CYP27C1: variants seen among roughly 807,000 people sequenced by gnomAD.
The protein encoded by CYP27C1 is cytochrome P450 family 27 subfamily C member 1.
In CYP27C1, 29 loss-of-function variants were observed where a neutral mutation model predicts 40.6. That is an observed-to-expected ratio of 0.71 (90% confidence interval 0.53 to 0.97). The LOEUF (loss-of-function observed/expected upper bound fraction) is 0.97. Among genes scored for constraint, CYP27C1 ranks in the 50% least tolerant of loss-of-function variants. The probability of loss-of-function intolerance (pLI) is 0.00; values close to 1 mark genes in which losing one functional copy is unlikely to be tolerated. For synonymous variants in CYP27C1, 198 were observed against 186.8 expected (o/e 1.06, Z -0.49); for missense variants, 390 against 485.8 (o/e 0.80, Z 1.85).
chr2:127,211,578 G>T (rs1194263779), intron 1 of CYP27C1, among the ~76,000 whole-genome samples: 1 of 151,640 alleles, frequency 6.6e-6, no homozygotes, highest in African/African-American at 2.4e-5. Context: ...GTAGAGACGG[G>T]GTTTCACCGT....
At chr2:127,203,262 C>G (rs1256726324) in intron 3 of CYP27C1, 110 bp downstream of exon 3, 2 of 1,285,108 alleles carry the variant, frequency 1.6e-6, no homozygotes, top group African/African-American at 3.0e-5. Flanking sequence ...GCATGTATGT[C>G]CCAGACTTAG....
Position 127,200,516 on chromosome 2 carries a change from C to T in CYP27C1, c.883+606G>A, listed in dbSNP as rs1382282888. Among the ~76,000 whole-genome samples the T allele has an allele frequency of 2.0e-5, 3 of 152,138 alleles. No individual in the cohort carries two copies. On this transcript the variant is annotated intron_variant, in intron 4 of 8. Transcript: ENST00000664447. The surrounding 1 kb of genome is among the most constrained non-coding windows in gnomAD (Gnocchi z 4.2). ...TGAAACTCTACATTTTAAGCACTGA[C>T]CAATTTATTTGGAGTAAAGACATCA...
In CYP27C1 at chr2:127,195,221, G is replaced by A. The variant is rs547494067; in HGVS notation, c.1214+114C>T. On this transcript the variant is annotated intron_variant, in intron 6 of 8. Coordinates refer to ENST00000664447, the MANE Select transcript of CYP27C1 (RefSeq NM_001367502.1). This position sits in a 1 kb window ranked among gnomAD's most constrained non-coding sequence, Gnocchi z 6.2. ...AGAGCAGAGAAAAAATAACAGTCAC[G>A]AACATCCTCATCCTGAACAGGTCAG... 5.6e-5 allele frequency: 74 copies of A among 1,319,828 alleles called. No individual in the cohort carries two copies. In the East Asian group the frequency reaches 7.0e-4, roughly 12 times the overall value. The allele number at this position is 1,319,828 out of a possible 1,614,324, so 81.8% of individuals were successfully genotyped here.
intron 8 of CYP27C1, among the ~76,000 whole-genome samples, chr2:127,190,941 G>GAAA (rs36094047): frequency 4.7e-5 from 4 of 85,576 alleles, no homozygotes; most frequent in African/African-American, 1.3e-4. Context: ...GTGAGACTCT[G>GAAA]AAAAAAAAAA....
Position 127,184,217 on chromosome 2 carries a change from C to CT in CYP27C1, c.*3053dup, listed in dbSNP as rs1682565549. The CT allele has an allele frequency of 1.3e-5, 2 of 150,900 alleles. No homozygotes were observed. Among genetic ancestry groups the CT allele is most frequent in the South Asian group, 4.2e-4 (2 of 4,818 alleles). The allele number at this position is 150,900 out of a possible 1,614,324, so 9.3% of individuals were successfully genotyped here. ...CATTCAAATTTCCCCGAGTTGCTCTCTTTTTTTCATGCATTGGAAGAATTA... is the reference window on the plus strand; with the variant it reads ...CATTCAAATTTCCCCGAGTTGCTCTCTTTTTTTTCATGCATTGGAAGAATTA... On this transcript the variant is annotated 3_prime_UTR_variant, in exon 9 of 9. Transcript: ENST00000664447.
In CYP27C1 at chr2:127,209,709, C is replaced by T. The variant is rs1410943432; in HGVS notation, c.283-3619G>A. ...GCTGAAAAACACAGTGTGAGAACTT[C>T]GTGAAGCATACACAGGTATCAACAG... is the stretch of plus-strand genomic sequence containing the variant. On this transcript the variant is annotated intron_variant, in intron 1 of 8. Transcript: ENST00000664447. The surrounding 1 kb of genome is among the most constrained non-coding windows in gnomAD (Gnocchi z 4.1). 3.3e-5 allele frequency among the ~76,000 whole-genome samples: 5 copies of T among 152,174 alleles called. No homozygotes were observed. The highest frequency in any genetic ancestry group is 2.1e-4 in the South Asian group (1 of 4,818).
rs187102013 is a variant in CYP27C1 at position 127,211,753 on chromosome 2, T to C, written c.283-5663A>G. On this transcript the variant is annotated intron_variant, in intron 1 of 8. Coordinates refer to ENST00000664447, the MANE Select transcript of CYP27C1 (RefSeq NM_001367502.1). ...ATCAAAAAGCTAGAAAGACCTCAAA[T>C]TGACAGCCTAACATCACAATTAAAA... 2.7e-3 allele frequency among the ~76,000 whole-genome samples: 417 copies of C among 152,082 alleles called. 3 individuals carry two copies. Among genetic ancestry groups the C allele is most frequent in the Middle Eastern group, 0.01 (3 of 292 alleles).
chr2:127,184,107 G>A lies in CYP27C1; in HGVS notation c.*3164C>T, dbSNP rs1682562860. ...TTAAGAGCTATCTCCAAGAGATAAA[G>A]TCTCTTTTTTTAAAACATAACTACC... On this transcript the variant is annotated 3_prime_UTR_variant, in exon 9 of 9. Transcript: ENST00000664447. 6.6e-6 allele frequency: 1 copy of A among 152,132 alleles called. No homozygotes were observed. The highest frequency in any genetic ancestry group is 1.5e-5 in the Non-Finnish European group (1 of 68,012). 9.4% of individuals were successfully genotyped at this position (152,132 alleles called of 1,614,324 possible). A position where few individuals can be genotyped will look rare whatever the true frequency, so the allele number is the denominator to read the frequency against.
At chr2:127,214,911 G>A (rs1420082506) in intron 1 of CYP27C1, among the ~76,000 whole-genome samples, 3 of 148,996 alleles carry the variant, frequency 2.0e-5, no homozygotes, top group African/African-American at 7.4e-5. Context: ...GGCAGATCAC[G>A]AGGTCAGGAG....
intron 1 of CYP27C1, among the ~76,000 whole-genome samples, chr2:127,215,185 A>T (rs190062595): frequency 5.7e-4 from 87 of 152,140 alleles, no homozygotes; most frequent in Admixed American, 2.4e-3. Flanking sequence ...CAGTGCAGTA[A>T]TGGCATAATC....
At position 127,209,548 on chromosome 2, in the gene CYP27C1, G is replaced by A. The variant is rs1683297393; in HGVS notation, c.283-3458C>T. On this transcript the variant is annotated intron_variant, in intron 1 of 8. Transcript: ENST00000664447. The surrounding 1 kb of genome is among the most constrained non-coding windows in gnomAD (Gnocchi z 4.1). Reference sequence around the variant, plus strand: ...TTGACAGAAGTACACTTCAGAAGATGGGTAATAAAAAACTGCGATGACCTA... The same window carrying A: ...TTGACAGAAGTACACTTCAGAAGATAGGTAATAAAAAACTGCGATGACCTA... Among the ~76,000 whole-genome samples, 1 of 152,184 alleles carries A rather than the reference G, an allele frequency of 6.6e-6. No individual in the cohort carries two copies.
chr2:127,219,022 C>T lies in CYP27C1; in HGVS notation c.282+967G>A, dbSNP rs1224269356. Among the ~76,000 whole-genome samples the T allele has an allele frequency of 1.3e-5, 2 of 152,168 alleles. No homozygotes were observed. Among genetic ancestry groups the T allele is most frequent in the African/African-American group, 4.8e-5 (2 of 41,448 alleles). Reference sequence around the variant, plus strand: ...TGGGACCCCTGGGTTCCTCCCACGTCCCTGCCTCCAGTCCCGGCGCGAACT... The same window carrying T: ...TGGGACCCCTGGGTTCCTCCCACGTTCCTGCCTCCAGTCCCGGCGCGAACT... On this transcript the variant is annotated intron_variant, in intron 1 of 8. Coordinates refer to ENST00000664447, the MANE Select transcript of CYP27C1 (RefSeq NM_001367502.1). The surrounding 1 kb of genome is among the most constrained non-coding windows in gnomAD (Gnocchi z 8.7).
Position 127,200,294 on chromosome 2 carries a change from G to C in CYP27C1, c.884-755C>G, listed in dbSNP as rs1170869157. Among the ~76,000 whole-genome samples the C allele has an allele frequency of 6.6e-6, 1 of 152,160 alleles. No homozygotes were observed. Among genetic ancestry groups the C allele is most frequent in the Non-Finnish European group, 1.5e-5 (1 of 68,016 alleles). On this transcript the variant is annotated intron_variant, in intron 4 of 8. Coordinates refer to ENST00000664447, the MANE Select transcript of CYP27C1 (RefSeq NM_001367502.1). This position sits in a 1 kb window ranked among gnomAD's most constrained non-coding sequence, Gnocchi z 4.2. ...TGCACCCAGCCTAAATATTGATCTTGAAAAGACACCATGAAACACTTTATT... is the reference window on the plus strand; with the variant it reads ...TGCACCCAGCCTAAATATTGATCTTCAAAAGACACCATGAAACACTTTATT...
rs1231952669 is a variant in CYP27C1 at position 127,196,758 on chromosome 2, A to G, written c.1048-1257T>C. 6.6e-6 allele frequency among the ~76,000 whole-genome samples: 1 copy of G among 152,236 alleles called. No individual in the cohort carries two copies. The highest frequency in any genetic ancestry group is 1.5e-5 in the Non-Finnish European group (1 of 68,048). ...ATATCCATACAATGGAATACTACTT[A>G]GTAATAAAAAAGAATCAATTACTGT... On this transcript the variant is annotated intron_variant, in intron 5 of 8. Transcript: ENST00000664447. This position sits in a 1 kb window ranked among gnomAD's most constrained non-coding sequence, Gnocchi z 4.5.
chr2:127,211,529 C>G (rs904152771), intron 1 of CYP27C1, among the ~76,000 whole-genome samples: 1 of 151,790 alleles, frequency 6.6e-6, no homozygotes, highest in Non-Finnish European at 1.5e-5. Flanking sequence ...ACTACAGGCG[C>G]CCGCTACCAC....
intron 2 of CYP27C1, among the ~76,000 whole-genome samples, chr2:127,203,993 G>A (rs1683099035): frequency 6.6e-6 from 1 of 151,746 alleles, no homozygotes; most frequent in Admixed American, 6.6e-5. Flanking sequence ...GGCCAGGCAT[G>A]GTGGCTCATG....
chr2:127,213,776 A>ACAC (rs1258318747), intron 1 of CYP27C1, among the ~76,000 whole-genome samples: 2 of 152,356 alleles, frequency 1.3e-5, no homozygotes, highest in East Asian at 3.9e-4. Context: ...CCTGATGAAG[A>ACAC]CACCAAAAGC....
At position 127,184,641 on chromosome 2, in the gene CYP27C1, A is replaced by C. The variant is rs1682577741; in HGVS notation, c.*2630T>G. On this transcript the variant is annotated 3_prime_UTR_variant, in exon 9 of 9. Transcript: ENST00000664447. Reference sequence around the variant, plus strand: ...TGGCCAGGCTGGTCTGGAACCCCTGACCTCAGGTTATCCGCCCGCCTTGGC... The same window carrying C: ...TGGCCAGGCTGGTCTGGAACCCCTGCCCTCAGGTTATCCGCCCGCCTTGGC... 1 of 152,188 alleles carries C rather than the reference A, an allele frequency of 6.6e-6. No homozygotes were observed. The highest frequency in any genetic ancestry group is 6.5e-5 in the Admixed American group (1 of 15,270). The allele number at this position is 152,188 out of a possible 1,614,324, so 9.4% of individuals were successfully genotyped here.
At position 127,219,065 on chromosome 2, in the gene CYP27C1, C is replaced by T. The variant is rs566583043; in HGVS notation, c.282+924G>A. 5.5e-4 allele frequency among the ~76,000 whole-genome samples: 83 copies of T among 152,280 alleles called. No homozygotes were observed. Among genetic ancestry groups the T allele is most frequent in the African/African-American group, 1.9e-3 (78 of 41,562 alleles). On this transcript the variant is annotated intron_variant, in intron 1 of 8. Coordinates refer to ENST00000664447, the MANE Select transcript of CYP27C1 (RefSeq NM_001367502.1). This position sits in a 1 kb window ranked among gnomAD's most constrained non-coding sequence, Gnocchi z 8.7. ...CGCGAACTCCAGGTGTCGCCCCCAA[C>T]TCCGGCTTAGAGCCTACGGCACCCC...
Sources: allele counts gnomAD v4.1 joint callset (sites outside exome capture counted in the v4.1 genomes callset), GRCh38; gene constraint gnomAD v4.1.1; non-coding constraint Gnocchi (gnomAD v3.1); transcripts MANE v1.5; gene names NCBI Gene and HGNC (gene_info 2026-07-23, HGNC 2026-07-21).